Variants in FMN1 observed in about 807,000 individuals in gnomAD.
FMN1 encodes formin 1.
Under a neutral mutation model 132.4 loss-of-function variants are expected in FMN1, and 110 were observed. The observed-to-expected ratio is 0.83, with a 90% CI of 0.71 to 0.97. FMN1 has a LOEUF of 0.97. Ranked by LOEUF, FMN1 falls within the 50% of genes least tolerant of loss-of-function variation. FMN1 has a pLI of 0.00. For synonymous variants in FMN1, 722 were observed against 651.7 expected, an observed-to-expected ratio of 1.11 and a Z score of -1.64; for missense variants, 1,792 against 1,705.3, an observed-to-expected ratio of 1.05 and a Z score of -0.90.
intron 9 of FMN1, among the ~76,000 whole-genome samples, chr15:32,934,808 T>C (rs569413552): frequency 5.4e-4 from 82 of 152,126 alleles, no homozygotes; most frequent in African/African-American, 1.9e-3. Flanking sequence ...GGTTTCACCA[T>C]GTGGGCCAGG....
At chr15:33,101,269 T>C (rs1328480121) in intron 4 of FMN1, among the ~76,000 whole-genome samples, 3 of 152,172 alleles carry the variant, frequency 2.0e-5, no homozygotes, top group African/African-American at 7.2e-5. Flanking sequence ...GATGTGCAAG[T>C]TGAGTATACT....
chr15:32,856,236 CT>C (rs1213195049), intron 17 of FMN1, among the ~76,000 whole-genome samples: 1 of 152,204 alleles, frequency 6.6e-6, no homozygotes, highest in African/African-American at 2.4e-5. Context: ...CCAAAGGCTC[CT>C]ATGTGTGTTT....
chr15:32,999,852 G>T (rs1001492356), intron 7 of FMN1, among the ~76,000 whole-genome samples: 5 of 152,158 alleles, frequency 3.3e-5, no homozygotes, highest in Non-Finnish European at 7.3e-5. Context: ...CAGACAAAGG[G>T]CATGTACTTT....
chr15:32,829,382 A>T (rs1441002309), intron 17 of FMN1, among the ~76,000 whole-genome samples: 3 of 152,246 alleles, frequency 2.0e-5, no homozygotes, highest in Non-Finnish European at 4.4e-5. Context: ...TTCTGCTTCC[A>T]GCTGCTAGTG....
chr15:32,957,859 GA>G (rs2029994344), intron 9 of FMN1, among the ~76,000 whole-genome samples: 1 of 152,122 alleles, frequency 6.6e-6, no homozygotes. Flanking sequence ...AAAAATAAGA[GA>G]TAGTAGCAAG....
chr15:33,014,606 T>A lies in FMN1; in HGVS notation c.2162-6531A>T, dbSNP rs1270954865. Among the ~76,000 whole-genome samples, 7 of 152,032 alleles carry A rather than the reference T, an allele frequency of 4.6e-5. No individual in the cohort carries two copies. The East Asian group carries it at 1.4e-3, about 29-fold the overall frequency. ...AGTCCATGAAAGACAGAGAAAGGAG[T>A]AAGGCTCCTAACTGGCAGGATTCAA... On this transcript the variant is annotated intron_variant, in intron 6 of 20. Transcript: ENST00000616417.
At chr15:32,904,331 A>T (rs1567362971) in intron 12 of FMN1, among the ~76,000 whole-genome samples, 1 of 152,244 alleles carries the variant, frequency 6.6e-6, no homozygotes, top group Non-Finnish European at 1.5e-5. Context: ...GGAAGTGAGT[A>T]GAAGGCAGAT....
intron 16 of FMN1, among the ~76,000 whole-genome samples, chr15:32,877,945 TA>T (rs1453134893): frequency 2.0e-5 from 3 of 152,122 alleles, no homozygotes; most frequent in Non-Finnish European, 2.9e-5. Flanking sequence ...AATATAAACA[TA>T]AAAAAGGTCA....
At chr15:33,042,457 T>C (rs1385785163) in intron 6 of FMN1, among the ~76,000 whole-genome samples, 2 of 152,110 alleles carry the variant, frequency 1.3e-5, no homozygotes, top group African/African-American at 4.8e-5. Flanking sequence ...AAAAACAAAT[T>C]GAGGTAATCT....
chr15:32,998,711 A>G (rs2033921980), intron 7 of FMN1, among the ~76,000 whole-genome samples: 1 of 152,198 alleles, frequency 6.6e-6, no homozygotes, highest in Admixed American at 6.5e-5. Context: ...TTTTGCAATA[A>G]AAAGAAAACT....
chr15:32,921,603 G>C (rs2140324585), intron 10 of FMN1, among the ~76,000 whole-genome samples: 1 of 151,634 alleles, frequency 6.6e-6, no homozygotes, highest in South Asian at 2.1e-4. Flanking sequence ...GATGCTGCTT[G>C]TGTTTCTTGC....
intron 9 of FMN1, among the ~76,000 whole-genome samples, chr15:32,930,816 T>C (rs943749516): frequency 6.6e-6 from 1 of 152,172 alleles, no homozygotes; most frequent in African/African-American, 2.4e-5. Context: ...AAAAGTTTTA[T>C]AGTTTCAAGT....
chr15:33,081,106 C>A (rs552654916), intron 5 of FMN1, among the ~76,000 whole-genome samples: 1 of 152,276 alleles, frequency 6.6e-6, no homozygotes, highest in South Asian at 2.1e-4. Flanking sequence ...CACGGCAAAA[C>A]TTCCGCTTCT....
chr15:33,143,759 CA>C (rs1349189834), intron 4 of FMN1, among the ~76,000 whole-genome samples: 3 of 152,158 alleles, frequency 2.0e-5, no homozygotes, highest in Non-Finnish European at 4.4e-5. Flanking sequence ...TTAAAGTCAA[CA>C]ATCATAATTT....
chr15:33,166,813 T>C lies in FMN1; in HGVS notation c.-131-11768A>G, dbSNP rs139046513. Among the ~76,000 whole-genome samples the C allele has an allele frequency of 3.7e-3, 566 of 152,188 alleles. 16 individuals carry two copies. Among genetic ancestry groups the C allele is most frequent in the Admixed American group, 0.032 (486 of 15,294 alleles). The stretch of plus-strand genomic sequence containing the variant: ...CGTAAAATACCAGTGACCATATATA[T>C]AGACTGCTTAAACAGAAAGATCTAC... On this transcript the variant is annotated intron_variant, in intron 3 of 20. Transcript: ENST00000616417.
At chr15:33,103,314 C>G (rs1019121760) in intron 4 of FMN1, among the ~76,000 whole-genome samples, 1 of 152,086 alleles carries the variant, frequency 6.6e-6, no homozygotes, top group Non-Finnish European at 1.5e-5. Flanking sequence ...TGTTTAACCT[C>G]TCTATGTCCC....
intron 4 of FMN1, among the ~76,000 whole-genome samples, chr15:33,105,469 G>C (rs1326553733): frequency 6.6e-6 from 1 of 152,066 alleles, no homozygotes; most frequent in Non-Finnish European, 1.5e-5. Flanking sequence ...ACTGTCAATG[G>C]TTCAGACTTC....
At chr15:32,951,424 GACACACAC>G (rs3081377) in intron 9 of FMN1, among the ~76,000 whole-genome samples, 15,665 of 148,980 alleles carry the variant, frequency 0.11, 1,421 homozygotes, top group African/African-American at 0.25. Flanking sequence ...GCCCCAGTGG[GACACACAC>G]ACACACACAC....
intron 9 of FMN1, among the ~76,000 whole-genome samples, chr15:32,932,439 G>T (rs1348968016): frequency 6.6e-6 from 1 of 152,170 alleles, no homozygotes; most frequent in African/African-American, 2.4e-5. Flanking sequence ...ATCTATATTT[G>T]TAAGAGCTAA....
Sources: gnomAD v4.1 joint callset for allele counts (sites outside exome capture counted in the v4.1 genomes callset) on GRCh38, gnomAD v4.1.1 for gene constraint, MANE v1.5 for transcripts, NCBI Gene and HGNC (gene_info 2026-07-23, HGNC 2026-07-21) for gene names.